Variants in GPC3 observed in about 807,000 individuals in gnomAD.
GPC3 encodes the protein glypican-3.
Under a neutral mutation model 34.4 loss-of-function variants are expected in GPC3, and 3 were observed. The observed-to-expected ratio is 0.09, with a 90% CI of 0.04 to 0.23. The LOEUF (loss-of-function observed/expected upper bound fraction) is 0.23. Among genes scored for constraint, GPC3 ranks in the 10% least tolerant of loss-of-function variants. The pLI is 1.00. For synonymous variants in GPC3, 177 were observed against 174.0 expected, an observed-to-expected ratio of 1.02 and a Z score of -0.13; for missense variants, 351 against 445.6, an observed-to-expected ratio of 0.79 and a Z score of 1.91.
intron 6 of GPC3, among the ~76,000 whole-genome samples, chrX:133,627,055 A>G (rs1035867214): frequency 4.7e-5 from 5 of 106,209 alleles, no homozygotes; most frequent in Non-Finnish European, 1.9e-5. Context: ...TGAGCAAACT[A>G]TCACAAGGAG....
At chrX:133,865,534 T>C in intron 2 of GPC3, among the ~76,000 whole-genome samples, 1 of 112,067 alleles carries the variant, frequency 8.9e-6, no homozygotes, top group East Asian at 2.8e-4. Context: ...AATACACTGT[T>C]AGAAGGGGAA....
At chrX:133,846,751 G>A (rs1197667387) in intron 2 of GPC3, among the ~76,000 whole-genome samples, 1 of 111,651 alleles carries the variant, frequency 9.0e-6, no homozygotes, top group Non-Finnish European at 1.9e-5. Flanking sequence ...AGTTTAATCA[G>A]TACTAATAAA....
intron 2 of GPC3, among the ~76,000 whole-genome samples, chrX:133,895,889 A>T (rs768808264): frequency 1.8e-5 from 2 of 111,674 alleles, no homozygotes; most frequent in East Asian, 5.6e-4. Context: ...GTCCTTGCTA[A>T]GCTTCTCCAC....
intron 2 of GPC3, among the ~76,000 whole-genome samples, chrX:133,914,689 A>C (rs193273468): frequency 2.6e-3 from 291 of 110,269 alleles, no homozygotes; most frequent in African/African-American, 9.0e-3. Context: ...ATGCTAGTAC[A>C]GTATAGTTAG....
intron 2 of GPC3, among the ~76,000 whole-genome samples, chrX:133,801,816 T>C (rs1040786317): frequency 8.9e-6 from 1 of 112,472 alleles, no homozygotes; most frequent in African/African-American, 3.2e-5. Flanking sequence ...AATAGGTCTC[T>C]TAAGCTTTTG....
chrX:133,820,907 C>T (rs1482780965), intron 2 of GPC3, among the ~76,000 whole-genome samples: 2 of 111,638 alleles, frequency 1.8e-5, no homozygotes, highest in Non-Finnish European at 3.8e-5. Flanking sequence ...GGCCATCTAG[C>T]ACTAGGATCT....
intron 3 of GPC3, among the ~76,000 whole-genome samples, chrX:133,746,549 T>A (rs944504480): frequency 8.9e-6 from 1 of 112,529 alleles, no homozygotes; most frequent in African/African-American, 3.2e-5. Context: ...TTGCAATAAA[T>A]AGGTAATGTG....
chrX:133,803,113 G>T (rs1318684138), intron 2 of GPC3, among the ~76,000 whole-genome samples: 1 of 110,359 alleles, frequency 9.1e-6, no homozygotes, highest in African/African-American at 3.3e-5. Context: ...TTTTAGTAGA[G>T]ACGGGGTTTC....
intron 2 of GPC3, among the ~76,000 whole-genome samples, chrX:133,878,345 T>C (rs1165223898): frequency 2.7e-5 from 3 of 110,722 alleles, no homozygotes; most frequent in Non-Finnish European, 3.8e-5. Context: ...GAGAATTGCT[T>C]GAACCTGGGA....
chrX:133,652,676 G>GAAAC (rs199742780), intron 6 of GPC3, among the ~76,000 whole-genome samples: 4,977 of 110,985 alleles, frequency 0.045, 284 homozygotes, highest in African/African-American at 0.15. Flanking sequence ...ACAGAATTTG[G>GAAAC]AAACATTTTT....
chrX:133,926,563 T>C (rs1235696737), intron 2 of GPC3, among the ~76,000 whole-genome samples: 1 of 112,497 alleles, frequency 8.9e-6, no homozygotes, highest in Non-Finnish European at 1.9e-5. Flanking sequence ...AAAGCATTTC[T>C]TCCATGAGCC....
At chrX:133,683,063 G>T (rs1409287417) in intron 5 of GPC3, among the ~76,000 whole-genome samples, 1 of 110,377 alleles carries the variant, frequency 9.1e-6, no homozygotes, top group Non-Finnish European at 1.9e-5. Context: ...AACGTTTCAG[G>T]GTCTTCTCAC....
At chrX:133,818,489 TCTAA>T (rs2075703074) in intron 2 of GPC3, among the ~76,000 whole-genome samples, 2 of 111,556 alleles carry the variant, frequency 1.8e-5, no homozygotes, top group Non-Finnish European at 3.8e-5. Context: ...CCAGAGTTAG[TCTAA>T]CTATTAGAAG....
At chrX:133,912,718 T>A (rs2076206421) in intron 2 of GPC3, among the ~76,000 whole-genome samples, 1 of 111,115 alleles carries the variant, frequency 9.0e-6, no homozygotes, top group Admixed American at 9.6e-5. Flanking sequence ...GTTAAGAGAT[T>A]GAAATGGAAA....
chrX:133,628,951 G>A (rs2070336841), intron 6 of GPC3, among the ~76,000 whole-genome samples: 1 of 111,443 alleles, frequency 9.0e-6, no homozygotes, highest in African/African-American at 3.3e-5. Context: ...TCTGGTGGAT[G>A]TATTTGACCT....
Position 133,824,093 on chromosome X carries a change from A to T in GPC3, c.338-69917T>A, listed in dbSNP as rs768551371. Reference sequence around the variant, plus strand: ...AATACAAAGAGATATAGCCAAAAAAATAAAAAGGAATAATAAAAAATGTTC... The same window carrying T: ...AATACAAAGAGATATAGCCAAAAAATTAAAAAGGAATAATAAAAAATGTTC... On this transcript the variant is annotated intron_variant, in intron 2 of 7. Transcript: ENST00000370818. Among the ~76,000 whole-genome samples the T allele has an allele frequency of 1.3e-3, 150 of 111,428 alleles. 1 individual carries two copies. Among genetic ancestry groups the T allele is most frequent in the African/African-American group, 4.4e-3 (134 of 30,662 alleles).
At chrX:133,732,461 T>C (rs1344437412) in intron 3 of GPC3, among the ~76,000 whole-genome samples, 1 of 111,608 alleles carries the variant, frequency 9.0e-6, no homozygotes, top group Non-Finnish European at 1.9e-5. Flanking sequence ...GGCATGGAAT[T>C]AATTGACTAA....
rs1399185241 is a variant in GPC3 at position 133,953,128 on chromosome X, A to G, written c.259T>C (p.Leu87=). 7.5e-6 allele frequency: 9 copies of G among 1,206,368 alleles called. No homozygotes were observed. Among genetic ancestry groups the G allele is most frequent in the Non-Finnish European group, 1.0e-5 (9 of 890,704 alleles). Residue 87 remains leucine (L), a synonymous_variant, in exon 2 of 8, where the codon TTG becomes CTG. Transcript: ENST00000370818. ...GACTGAAGCAGCTGTTCCATGTTCA[A>G]TCGTGCTGTTAGTTGGTATTTTTCT... ...MEEKYQLTAR[L]NMEQLLQSAS...
chrX:133,844,537 G>A (rs780048906), intron 2 of GPC3, among the ~76,000 whole-genome samples: 27 of 111,839 alleles, frequency 2.4e-4, no homozygotes, highest in Non-Finnish European at 4.9e-4. Context: ...TTGTATAGGG[G>A]CCCTAGATCA....
Sources: allele counts gnomAD v4.1 joint callset (sites outside exome capture counted in the v4.1 genomes callset), GRCh38; gene constraint gnomAD v4.1.1; transcripts MANE v1.5; gene names NCBI Gene and HGNC (gene_info 2026-07-23, HGNC 2026-07-21).